SNX17: variants seen among roughly 807,000 people sequenced by gnomAD.
SNX17 encodes sorting nexin 17.
SNX17 carries 35 observed loss-of-function variants against 64.3 expected under a neutral mutation model. The observed-to-expected ratio is 0.54, with a 90% confidence interval of 0.42 to 0.72. The LOEUF (loss-of-function observed/expected upper bound fraction) is 0.72. Among genes scored for constraint, SNX17 ranks in the 30% least tolerant of loss-of-function variants. The pLI is 0.00. For missense variants in SNX17, 538 were observed against 610.0 expected (o/e 0.88, Z 1.24); for synonymous variants, 259 against 230.2 (o/e 1.13, Z -1.13).
At chr2:27,374,940 T>TA (rs984105796) in intron 8 of SNX17, 121 bp from the exon 9 acceptor site, 3 of 367,906 alleles carry the variant, frequency 8.2e-6, no homozygotes, top group Non-Finnish European at 1.2e-5. Flanking sequence ...ATCAAGGACT[T>TA]ACTGCAGAGA....
intron 2 of SNX17, chr2:27,371,794 CA>C (rs2148392118): frequency 6.3e-6 from 1 of 159,232 alleles, no homozygotes; most frequent in Non-Finnish European, 1.4e-5. Context: ...ATCTGTGATG[CA>C]ATGTTTCTCC....
chr2:27,376,573 A>G (rs372368849), intron 14 of SNX17, 33 bp from the exon 15 acceptor site: 10 of 1,614,162 alleles, frequency 6.2e-6, no homozygotes, highest in Non-Finnish European at 7.6e-6. Flanking sequence ...TTGCACGCCC[A>G]AGATCTCTGA....
At chr2:27,371,495 C>G (rs1682540420) in intron 2 of SNX17, 152 bp downstream of exon 2, 2 of 1,384,774 alleles carry the variant, frequency 1.4e-6, no homozygotes, top group South Asian at 1.6e-5. Context: ...TCTTGTCTGA[C>G]ATTTCCGGGA....
intron 2 of SNX17, 80 bp from the exon 3 acceptor site, chr2:27,372,543 A>G: frequency 6.2e-7 from 1 of 1,604,308 alleles, no homozygotes. Context: ...GGCACCCAAG[A>G]GAACATTATG....
rs1683360126 is a variant in SNX17, at chr2:27,377,386, T to C, written c.*667T>C. 4 of 799,762 alleles carry C rather than the reference T, an allele frequency of 5.0e-6. No homozygotes were observed. The highest frequency in any genetic ancestry group is 2.1e-6 in the Non-Finnish European group (1 of 474,172). The allele number at this position is 799,762 out of a possible 1,614,324, so 49.5% of individuals were successfully genotyped here. The stretch of plus-strand genomic sequence containing the variant: ...TCACTGAGCTCGTGAAGTGCCTCAG[T>C]CAAGGCAAGGTCCCCTGGTCCATAT... On this transcript the variant is annotated 3_prime_UTR_variant, in exon 15 of 15. Transcript: ENST00000233575. This position sits in a 1 kb window ranked among gnomAD's most constrained non-coding sequence, Gnocchi z 4.4.
At position 27,375,021 on chromosome 2, in the gene SNX17, A is replaced by T. The variant is rs769746664; in HGVS notation, c.682-40A>T. 1 of 1,574,280 alleles carries T rather than the reference A, an allele frequency of 6.4e-7. No individual in the cohort carries two copies. The highest frequency in any genetic ancestry group is 2.2e-5 in the East Asian group (1 of 44,638). ...GGTAGACGCTTTCCTTGGATTGCTG[A>T]CTGGGACCTCCTACTGCCTGCCCCT... On this transcript the variant is annotated intron_variant, in intron 8 of 14. Transcript: ENST00000233575. The surrounding 1 kb of genome is among the most constrained non-coding windows in gnomAD (Gnocchi z 4.1).
In SNX17 at chr2:27,370,747, C is replaced by T; in HGVS notation, c.4C>T (p.His2Tyr). 1 of 1,549,460 alleles carries T rather than the reference C, an allele frequency of 6.5e-7. No homozygotes were observed. Among genetic ancestry groups the T allele is most frequent in the Non-Finnish European group, 8.7e-7 (1 of 1,146,496 alleles). Reference sequence around the variant, plus strand: ...GCCGTGCCGTGCCGTAGGGAACATGCACTTTTCCATTCCCGAAACCGAGTC... The same window carrying T: ...GCCGTGCCGTGCCGTAGGGAACATGTACTTTTCCATTCCCGAAACCGAGTC... The part of the protein sequence containing the change: M[H>Y]FSIPETESRS... The change falls in exon 1 of 15, where the codon CAC (histidine) becomes TAC (tyrosine). Residue 2 changes from histidine to tyrosine, a missense_variant. This residue lies in a region of SNX17 where 27 missense variants were observed against 38.2 expected (regional missense o/e 0.71). Coordinates refer to ENST00000233575, the MANE Select transcript of SNX17 (RefSeq NM_014748.4).
chr2:27,377,334 G>A lies in SNX17; in HGVS notation c.*615G>A. ...GCCGGTTTGTCCACAGCCCCTGGGGGCAGTGGAGGTGAATACAGGGCCCTT... is the reference window on the plus strand; with the variant it reads ...GCCGGTTTGTCCACAGCCCCTGGGGACAGTGGAGGTGAATACAGGGCCCTT... On this transcript the variant is annotated 3_prime_UTR_variant, in exon 15 of 15. Transcript: ENST00000233575. This position sits in a 1 kb window ranked among gnomAD's most constrained non-coding sequence, Gnocchi z 4.4. 3 of 698,986 alleles carry A rather than the reference G, an allele frequency of 4.3e-6. No homozygotes were observed. The highest frequency in any genetic ancestry group is 7.8e-6 in the Non-Finnish European group (3 of 384,788). 43.3% of individuals were successfully genotyped at this position (698,986 alleles called of 1,614,324 possible). A position where few individuals can be genotyped will look rare whatever the true frequency, so the allele number is the denominator to read the frequency against.
chr2:27,375,810 A>G lies in SNX17; in HGVS notation c.979-36A>G. 6.2e-7 allele frequency: 1 copy of G among 1,611,524 alleles called. No individual in the cohort carries two copies. The highest frequency in any genetic ancestry group is 1.3e-5 in the African/African-American group (1 of 75,040). ...GGTCAGGGAGCCAGACAGGTTGGTC[A>G]GAGTGAACTCAACCGAATTCCCCTT... On this transcript the variant is annotated intron_variant, in intron 10 of 14. Transcript: ENST00000233575. The surrounding 1 kb of genome is among the most constrained non-coding windows in gnomAD (Gnocchi z 4.1).
chr2:27,371,379 G>T (rs1408706016), intron 2 of SNX17, 36 bp downstream of exon 2: 1 of 1,590,614 alleles, frequency 6.3e-7, no homozygotes, highest in Non-Finnish European at 8.5e-7. Context: ...ACAGCTTCAA[G>T]CCCTTCCCTA....
chr2:27,372,939 A>G, intron 3 of SNX17, 199 bp downstream of exon 3: 1 of 1,306,870 alleles, frequency 7.7e-7, no homozygotes, highest in Non-Finnish European at 1.1e-6. Context: ...GGGCACTAAC[A>G]TCTATGAGAA....
chr2:27,372,553 G>GAGC lies in SNX17; in HGVS notation c.139-68_139-66dup, dbSNP rs1425629000. 3 of 1,610,184 alleles carry GAGC rather than the reference G, an allele frequency of 1.9e-6. No individual in the cohort carries two copies. The East Asian group carries it at 6.7e-5, about 36-fold the overall frequency. On this transcript the variant is annotated intron_variant, in intron 2 of 14. Transcript: ENST00000233575. ...GGAGGGGCACCCAAGAGAACATTAT[G>GAGC]AGCATATGTAGATTGCCTCATCTCA...
intron 3 of SNX17, 38 bp from the exon 4 acceptor site, chr2:27,373,209 T>C (rs1479361069): frequency 6.2e-7 from 1 of 1,613,350 alleles, no homozygotes; most frequent in Non-Finnish European, 8.5e-7. Flanking sequence ...CAAGAGTGAG[T>C]GCTAAGTTCC....
intron 4 of SNX17, chr2:27,373,523 C>G: frequency 5.3e-6 from 3 of 566,994 alleles, no homozygotes; most frequent in Non-Finnish European, 9.4e-6. Context: ...CCACCATGTC[C>G]GGCTCATTTT....
At position 27,376,771 on chromosome 2, in the gene SNX17, T is replaced by TG; in HGVS notation, c.*53dup. 1.3e-6 allele frequency: 2 copies of TG among 1,491,210 alleles called. No individual in the cohort carries two copies. The highest frequency in any genetic ancestry group is 1.9e-6 in the Non-Finnish European group (2 of 1,073,518). 92.4% of individuals were successfully genotyped at this position (1,491,210 alleles called of 1,614,324 possible). On this transcript the variant is annotated 3_prime_UTR_variant, in exon 15 of 15. Transcript: ENST00000233575. The stretch of plus-strand genomic sequence containing the variant: ...TACCCCAGAGGAATTTACAGAAACT[T>TG]GCCCTGTGCCTGTGTCCCCCATGCT...
At chr2:27,373,642 T>C (rs1027910467) in intron 4 of SNX17, among the ~76,000 whole-genome samples, 1 of 152,118 alleles carries the variant, frequency 6.6e-6, no homozygotes. Flanking sequence ...GGATTACGGG[T>C]GTGAGCCACC....
intron 1 of SNX17, 100 bp downstream of exon 1, chr2:27,370,906 G>A: frequency 1.5e-6 from 2 of 1,358,992 alleles, no homozygotes; most frequent in Non-Finnish European, 2.0e-6. Flanking sequence ...CACCCTTCGG[G>A]CCTGGTCCTG....
chr2:27,376,077 A>T (rs1683182680), intron 11 of SNX17, 29 bp from the exon 12 acceptor site: 6 of 1,614,064 alleles, frequency 3.7e-6, no homozygotes, highest in African/African-American at 1.3e-5. Context: ...GACCACTCTC[A>T]TCAAGCTGGA....
chr2:27,371,912 T>TG (rs113772378), intron 2 of SNX17, among the ~76,000 whole-genome samples: 5,154 of 152,322 alleles, frequency 0.034, 299 homozygotes, highest in African/African-American at 0.12. Context: ...GGGACGGAGT[T>TG]TCTCTCTTGT....
Sources: gnomAD v4.1 joint callset for allele counts (sites outside exome capture counted in the v4.1 genomes callset) on GRCh38, gnomAD v4.1.1 for gene constraint, gnomAD v4.1.1 regional missense constraint, Gnocchi (gnomAD v3.1) non-coding constraint, MANE v1.5 for transcripts, NCBI Gene and HGNC (gene_info 2026-07-23, HGNC 2026-07-21) for gene names.